KLHL1: variants seen among roughly 807,000 people sequenced by gnomAD.
KLHL1 encodes the protein kelch like family member 1.
KLHL1 carries 47 observed loss-of-function variants against 77.7 expected under a neutral mutation model. That is an observed-to-expected ratio of 0.60 (90% CI 0.48 to 0.77). The LOEUF (loss-of-function observed/expected upper bound fraction) is 0.77, where lower values mean the gene tolerates loss of function less well. KLHL1 is among the 30% of genes least tolerant of loss of function. The probability of loss-of-function intolerance (pLI) is 0.00; values close to 1 mark genes in which losing one functional copy is unlikely to be tolerated. For missense variants in KLHL1, 925 were observed against 910.8 expected, an observed-to-expected ratio of 1.02 and a Z score of -0.20; for synonymous variants, 360 against 325.2, an observed-to-expected ratio of 1.11 and a Z score of -1.15.
intron 9 of KLHL1, among the ~76,000 whole-genome samples, chr13:69,713,187 G>C (rs181908037): frequency 6.6e-6 from 1 of 151,890 alleles, no homozygotes; most frequent in East Asian, 1.9e-4. Context: ...CAATCTAACA[G>C]TTTCTAGTTT....
intron 1 of KLHL1, among the ~76,000 whole-genome samples, chr13:70,023,501 C>G (rs550747374): frequency 6.6e-6 from 1 of 152,000 alleles, no homozygotes; most frequent in Non-Finnish European, 1.5e-5. Flanking sequence ...TAAGTTCATA[C>G]TCACATTTTT....
chr13:69,997,178 G>A (rs748089510), intron 1 of KLHL1, among the ~76,000 whole-genome samples: 2 of 151,300 alleles, frequency 1.3e-5, no homozygotes, highest in African/African-American at 4.9e-5. Flanking sequence ...CCAATATCAC[G>A]CCACTGCACT....
chr13:69,893,161 T>C (rs1009110595), intron 4 of KLHL1, among the ~76,000 whole-genome samples: 2 of 150,556 alleles, frequency 1.3e-5, no homozygotes, highest in Non-Finnish European at 3.0e-5. Flanking sequence ...AAATGGAAAC[T>C]AATGAAATAG....
chr13:69,888,846 CAAAT>C (rs1005676787), intron 4 of KLHL1, among the ~76,000 whole-genome samples: 1 of 152,036 alleles, frequency 6.6e-6, no homozygotes, highest in Non-Finnish European at 1.5e-5. Context: ...TTAAAAATCT[CAAAT>C]AAACTTAAGA....
At chr13:69,785,383 A>AACAACCTGCTCCT (rs1033521497) in intron 7 of KLHL1, among the ~76,000 whole-genome samples, 2 of 152,210 alleles carry the variant, frequency 1.3e-5, no homozygotes, top group Admixed American at 1.3e-4. Flanking sequence ...ATGGAAACTG[A>AACAACCTGCTCCT]ACAACCTGCT....
At chr13:69,761,207 G>A (rs1432243998) in intron 7 of KLHL1, among the ~76,000 whole-genome samples, 3 of 152,192 alleles carry the variant, frequency 2.0e-5, no homozygotes, top group African/African-American at 7.2e-5. Context: ...CTCCGGGGCT[G>A]CCACATGGTC....
chr13:69,816,850 C>A (rs1465951588), intron 6 of KLHL1, among the ~76,000 whole-genome samples: 7 of 151,974 alleles, frequency 4.6e-5, no homozygotes, highest in Admixed American at 4.6e-4. Context: ...CCCAGCTATT[C>A]GGGAGGCTGA....
rs758174333 is a variant in KLHL1 at position 69,940,097 on chromosome 13, G to A, written c.957C>T (p.Ala319=). Residue 319 remains alanine (A), a synonymous_variant, in exon 4 of 11, where the codon GCC becomes GCT. Transcript: ENST00000377844. ...LHPSNCLGIR[A]FADAQGCIEL... ...CAATGCATCCTTGAGCATCTGCGAA[G>A]GCTCGAATTCCTAAACAGTTAGATG... 1 of 1,612,882 alleles carries A rather than the reference G, an allele frequency of 6.2e-7. No individual in the cohort carries two copies. The highest frequency in any genetic ancestry group is 1.7e-5 in the Admixed American group (1 of 59,762).
At chr13:70,082,601 A>G (rs973977461) in intron 1 of KLHL1, among the ~76,000 whole-genome samples, 5 of 152,170 alleles carry the variant, frequency 3.3e-5, no homozygotes, top group African/African-American at 1.2e-4. Context: ...CAGTTAAACT[A>G]TTTTTTAAAA....
intron 1 of KLHL1, among the ~76,000 whole-genome samples, chr13:69,976,552 A>G (rs1463508537): frequency 6.6e-6 from 1 of 152,104 alleles, no homozygotes; most frequent in Non-Finnish European, 1.5e-5. Flanking sequence ...TTCAAGTTTC[A>G]TGATAGACAC....
intron 7 of KLHL1, among the ~76,000 whole-genome samples, chr13:69,759,427 G>A (rs1202627998): frequency 6.6e-6 from 1 of 152,072 alleles, no homozygotes; most frequent in Non-Finnish European, 1.5e-5. Flanking sequence ...AGGCAAAAAT[G>A]TCTAAATTAT....
rs1566484216 is a variant in KLHL1 at position 69,996,909 on chromosome 13, A to ATTTTTTTTT, written c.498-21108_498-21107insAAAAAAAAA. On this transcript the variant is annotated intron_variant, in intron 1 of 10. Coordinates refer to ENST00000377844, the MANE Select transcript of KLHL1 (RefSeq NM_020866.3). ...TGAAAAGTTCTTATTTTATTCATTAAATTTTTTTTTTTTTTTTTTTTTTTT... is the reference window on the plus strand; with the variant it reads ...TGAAAAGTTCTTATTTTATTCATTAATTTTTTTTTATTTTTTTTTTTTTTTTTTTTTTTT... Among the ~76,000 whole-genome samples the ATTTTTTTTT allele has an allele frequency of 9.4e-5, 10 of 106,656 alleles. No homozygotes were observed. The East Asian group carries it at 2.3e-3, about 25-fold the overall frequency. 70.0% of individuals were successfully genotyped at this position (106,656 alleles called of 152,430 possible).
intron 10 of KLHL1, among the ~76,000 whole-genome samples, chr13:69,705,528 A>C (rs1411901993): frequency 6.6e-6 from 1 of 151,714 alleles, no homozygotes; most frequent in Non-Finnish European, 1.5e-5. Flanking sequence ...TATGGAGTGA[A>C]AGTGACAGGA....
chr13:69,701,918 G>C (rs1875413395), intron 10 of KLHL1, among the ~76,000 whole-genome samples, 157 bp from the exon 11 acceptor site: 1 of 151,718 alleles, frequency 6.6e-6, no homozygotes, highest in Middle Eastern at 3.4e-3. Flanking sequence ...CACTGAAAAT[G>C]GCATTTTAAA....
At chr13:69,781,125 G>C (rs966519838) in intron 7 of KLHL1, among the ~76,000 whole-genome samples, 1 of 151,954 alleles carries the variant, frequency 6.6e-6, no homozygotes, top group Non-Finnish European at 1.5e-5. Flanking sequence ...GACAGTCTGT[G>C]TTTGCTTTTT....
At chr13:70,024,640 C>T (rs904402947) in intron 1 of KLHL1, among the ~76,000 whole-genome samples, 32 of 149,762 alleles carry the variant, frequency 2.1e-4, no homozygotes, top group African/African-American at 6.4e-4. Flanking sequence ...CTCTCTCTCT[C>T]TCTCTCTCTC....
At chr13:69,774,673 CA>C (rs1875741783) in intron 7 of KLHL1, among the ~76,000 whole-genome samples, 1 of 86,032 alleles carries the variant, frequency 1.2e-5, no homozygotes, top group African/African-American at 3.8e-5. Context: ...TAAAAAAAAA[CA>C]CACACACACA....
chr13:69,963,824 T>C (rs531119000), intron 2 of KLHL1, among the ~76,000 whole-genome samples: 7 of 152,222 alleles, frequency 4.6e-5, no homozygotes, highest in African/African-American at 1.2e-4. Flanking sequence ...GGTATCAATA[T>C]TGGAAGAAAT....
intron 1 of KLHL1, among the ~76,000 whole-genome samples, chr13:69,990,397 G>T (rs773998128): frequency 6.6e-6 from 1 of 151,906 alleles, no homozygotes; most frequent in Non-Finnish European, 1.5e-5. Context: ...AAAAGCAAGA[G>T]CCAGGGGTAT....
Sources: allele counts gnomAD v4.1 joint callset (sites outside exome capture counted in the v4.1 genomes callset), GRCh38; gene constraint gnomAD v4.1.1; transcripts MANE v1.5; gene names NCBI Gene and HGNC (gene_info 2026-07-23, HGNC 2026-07-21).